C11orf65: variants seen among roughly 807,000 people sequenced by gnomAD.
C11orf65 encodes the protein chromosome 11 open reading frame 65.
Under a neutral mutation model 35.3 loss-of-function variants are expected in C11orf65, and 38 were observed. That is an observed-to-expected ratio of 1.08 (90% CI 0.83 to 1.41). The LOEUF is 1.41. Ranked by LOEUF, C11orf65 falls within the 40% of genes most tolerant of loss-of-function variation. C11orf65 has a pLI of 0.00. For synonymous variants in C11orf65, 105 were observed against 114.4 expected (o/e 0.92, Z 0.53); for missense variants, 370 against 367.1 (o/e 1.01, Z -0.06).
chr11:108,317,520 A>C lies in C11orf65; in HGVS notation c.641-8449T>G, dbSNP rs2084794474. 1 of 1,601,788 alleles carries C rather than the reference A, an allele frequency of 6.2e-7. No homozygotes were observed. The highest frequency in any genetic ancestry group is 8.5e-7 in the Non-Finnish European group (1 of 1,175,394). On this transcript the variant is annotated intron_variant, in intron 6 of 6. Coordinates refer to the C11orf65 transcript ENST00000525729. Reference sequence around the variant, plus strand: ...GCAGTGGGACCATTGCACTTCCGTCAGGTAAGAAATTTGACTTGATTTTTT... The same window carrying C: ...GCAGTGGGACCATTGCACTTCCGTCCGGTAAGAAATTTGACTTGATTTTTT...
At chr11:108,442,264 G>C (rs2093166680) in intron 2 of C11orf65, among the ~76,000 whole-genome samples, 1 of 152,140 alleles carries the variant, frequency 6.6e-6, no homozygotes, top group Non-Finnish European at 1.5e-5. Flanking sequence ...AGCCAGAAGA[G>C]AAGTTTAGAG....
downstream of C11orf65, among the ~76,000 whole-genome samples, chr11:108,328,748 A>T (rs2085945676): frequency 6.6e-6 from 1 of 152,206 alleles, no homozygotes; most frequent in Non-Finnish European, 1.5e-5. Flanking sequence ...TACTAACATT[A>T]ATGATAGCTA....
At chr11:108,443,535 C>CACACG in intron 2 of C11orf65, among the ~76,000 whole-genome samples, 1 of 152,302 alleles carries the variant, frequency 6.6e-6, no homozygotes, top group African/African-American at 2.4e-5. Context: ...TTTACAGCAT[C>CACACG]ACACGACACC....
chr11:108,406,195 C>G (rs554821351), intron 5 of C11orf65, among the ~76,000 whole-genome samples: 65 of 152,288 alleles, frequency 4.3e-4, no homozygotes, highest in African/African-American at 1.5e-3. Context: ...AAGTCTATCC[C>G]CTGCATCCAG....
chr11:108,341,966 G>A (rs2136902056), intron 2 of C11orf65, among the ~76,000 whole-genome samples: 1 of 152,244 alleles, frequency 6.6e-6, no homozygotes, highest in Non-Finnish European at 1.5e-5. Flanking sequence ...TAAATTCCTG[G>A]GTATATACCC....
rs1432636995 is a variant in C11orf65 at position 108,406,895 on chromosome 11, G to A, written c.297C>T (p.Asn99=). Residue 99 remains asparagine, a synonymous_variant, in exon 5 of 9, where the codon AAC becomes AAT. Coordinates refer to ENST00000393084, the MANE Select transcript of C11orf65 (RefSeq NM_152587.5). The stretch of plus-strand genomic sequence containing the variant: ...GAAGTTTTGCATAATTTCTAGGGCT[G>A]TTAGCACAGAGATCTTCAATAGGTC... ...THRPIEDLCA[N]SPRNYAKLPA... is the part of the protein sequence containing the mutation. 5.0e-6 allele frequency: 8 copies of A among 1,612,564 alleles called. No individual in the cohort carries two copies. The highest frequency in any genetic ancestry group is 1.3e-5 in the African/African-American group (1 of 74,866).
intron 1 of C11orf65, among the ~76,000 whole-genome samples, chr11:108,462,883 G>A (rs2093488808): frequency 6.6e-6 from 1 of 152,168 alleles, no homozygotes; most frequent in Non-Finnish European, 1.5e-5. Flanking sequence ...GTTTTGGGAG[G>A]CCAAGGCAGG....
At chr11:108,389,340 C>T (rs1344665079) in intron 7 of C11orf65, among the ~76,000 whole-genome samples, 3 of 152,326 alleles carry the variant, frequency 2.0e-5, no homozygotes, top group Middle Eastern at 3.4e-3. Flanking sequence ...AAGGCCTTTG[C>T]AAAGTTTGGT....
chr11:108,393,945 G>A (rs2092237467), intron 6 of C11orf65, among the ~76,000 whole-genome samples: 1 of 152,100 alleles, frequency 6.6e-6, no homozygotes, highest in Non-Finnish European at 1.5e-5. Flanking sequence ...AACTTGGGAG[G>A]CCAACATGGG....
intron 2 of C11orf65, among the ~76,000 whole-genome samples, chr11:108,356,377 A>T (rs2089923277): frequency 6.6e-6 from 1 of 152,026 alleles, no homozygotes; most frequent in South Asian, 2.1e-4. Flanking sequence ...CTCTAATAAA[A>T]ATGCAAAAAT....
intron 6 of C11orf65, among the ~76,000 whole-genome samples, chr11:108,402,052 G>C (rs1866059): frequency 0.99 from 151,554 of 152,324 alleles, 75,405 homozygotes; most frequent in Middle Eastern, 1. Context: ...TCTTGTAACT[G>C]TTCTGGTTTA....
intron 2 of C11orf65, among the ~76,000 whole-genome samples, chr11:108,456,830 G>T (rs2093416125): frequency 6.6e-6 from 1 of 151,722 alleles, no homozygotes; most frequent in African/African-American, 2.4e-5. Context: ...AAGAGAAAAA[G>T]TCACAAATTG....
At position 108,374,376 on chromosome 11, in the gene C11orf65, AGG is replaced by A. The variant is rs2091659324; in HGVS notation, c.226+18830_226+18831del. 2.5e-5 allele frequency among the ~76,000 whole-genome samples: 2 copies of A among 80,892 alleles called. 1 individual carries two copies. Among genetic ancestry groups the A allele is most frequent in the South Asian group, 1.5e-3 (2 of 1,316 alleles). The allele number at this position is 80,892 out of a possible 152,430, so 53.1% of individuals were successfully genotyped here. A position where few individuals can be genotyped will look rare whatever the true frequency, so the allele number is the denominator to read the frequency against. Reference sequence around the variant, plus strand: ...CACCGCTGCTGATACCCAGGTAAACAGGGTCTGGAGTGGACCTCTAGCAAACT... The same window carrying A: ...CACCGCTGCTGATACCCAGGTAAACAGTCTGGAGTGGACCTCTAGCAAACT... On this transcript the variant is annotated intron_variant, in intron 2 of 3. Coordinates refer to the C11orf65 transcript ENST00000524755.
chr11:108,431,195 A>G (rs1316288442), intron 3 of C11orf65, among the ~76,000 whole-genome samples: 1 of 152,144 alleles, frequency 6.6e-6, no homozygotes, highest in Non-Finnish European at 1.5e-5. Flanking sequence ...AAATGTGTAC[A>G]CTTATCCATG....
chr11:108,368,203 T>C (rs2091430617), intron 2 of C11orf65: 1 of 206,674 alleles, frequency 4.8e-6, no homozygotes, highest in East Asian at 7.4e-5. Flanking sequence ...AGAATTAAGA[T>C]TATAAAAGAT....
chr11:108,409,107 G>A (rs1391381249), intron 3 of C11orf65, among the ~76,000 whole-genome samples: 1 of 152,054 alleles, frequency 6.6e-6, no homozygotes, highest in Non-Finnish European at 1.5e-5. Context: ...TCTTGTGCTT[G>A]GCTTATTTTG....
At chr11:108,357,115 A>T (rs574458919) in intron 2 of C11orf65, among the ~76,000 whole-genome samples, 1 of 152,338 alleles carries the variant, frequency 6.6e-6, no homozygotes, top group Admixed American at 6.5e-5. Flanking sequence ...AAGCAGGGCA[A>T]GGCATTGCCT....
intron 2 of C11orf65, among the ~76,000 whole-genome samples, chr11:108,351,638 C>T (rs562303555): frequency 2.0e-5 from 3 of 152,264 alleles, no homozygotes; most frequent in Non-Finnish European, 2.9e-5. Context: ...TCTCTGTCCA[C>T]AATAGTGTCC....
At position 108,405,577 on chromosome 11, in the gene C11orf65, T is replaced by C. The variant is rs1318375684; in HGVS notation, c.430-18A>G. ...AGCCAAAACTATTGAGAAACAAAAA[T>C]GAACATACAAAATGTTGAAATATCG... On this transcript the variant is annotated intron_variant, in intron 5 of 8. Transcript: ENST00000393084. The C allele has an allele frequency of 6.2e-7, 1 of 1,608,972 alleles. No individual in the cohort carries two copies. The highest frequency in any genetic ancestry group is 1.3e-5 in the African/African-American group (1 of 74,680).
Sources: allele counts gnomAD v4.1 joint callset (sites outside exome capture counted in the v4.1 genomes callset), GRCh38; gene constraint gnomAD v4.1.1; transcripts MANE v1.5; gene names NCBI Gene and HGNC (gene_info 2026-07-23, HGNC 2026-07-21).